The following SPPL3 variants were observed in gnomAD, a reference collection of about 807,000 sequenced individuals.
SPPL3 encodes signal peptide peptidase-like 3.
In SPPL3, 5 loss-of-function variants were observed where a neutral mutation model predicts 42.4. That is an observed-to-expected ratio of 0.12 (90% CI 0.06 to 0.25). SPPL3 has a LOEUF of 0.25. SPPL3 is among the 10% of genes least tolerant of loss of function. The pLI is 1.00. For synonymous variants in SPPL3, 195 were observed against 181.8 expected (o/e 1.07, Z -0.58); for missense variants, 235 against 489.0 (o/e 0.48, Z 4.90).
chr12:120,828,888 T>G (rs1871308506), intron 1 of SPPL3, among the ~76,000 whole-genome samples: 1 of 152,156 alleles, frequency 6.6e-6, no homozygotes, highest in Non-Finnish European at 1.5e-5. Context: ...CCCGAGTTGC[T>G]GGGACTACAG....
intron 1 of SPPL3, among the ~76,000 whole-genome samples, chr12:120,821,684 C>T (rs1348426981): frequency 1.3e-5 from 2 of 152,184 alleles, no homozygotes; most frequent in African/African-American, 4.8e-5. Context: ...AAAAATGCTA[C>T]TGGATATCTA....
At chr12:120,900,095 G>C (rs564187878) in intron 1 of SPPL3, among the ~76,000 whole-genome samples, 1 of 152,102 alleles carries the variant, frequency 6.6e-6, no homozygotes, top group South Asian at 2.1e-4. Flanking sequence ...AAAGTCAACA[G>C]AATAATAAAC....
chr12:120,790,942 C>T (rs1450364416), intron 3 of SPPL3, among the ~76,000 whole-genome samples: 2 of 151,972 alleles, frequency 1.3e-5, no homozygotes, highest in Admixed American at 1.3e-4. Context: ...CCTGCCTCAG[C>T]CTCAGTAGTA....
At chr12:120,876,698 A>G (rs1873108136) in intron 1 of SPPL3, among the ~76,000 whole-genome samples, 1 of 151,646 alleles carries the variant, frequency 6.6e-6, no homozygotes. Flanking sequence ...CAGTATGTAC[A>G]GCATGCAGCT....
At chr12:120,829,412 G>A (rs1244906235) in intron 1 of SPPL3, among the ~76,000 whole-genome samples, 5 of 151,236 alleles carry the variant, frequency 3.3e-5, no homozygotes, top group Non-Finnish European at 7.4e-5. Context: ...CCTGGCAGAC[G>A]TGGTGAAACC....
intron 1 of SPPL3, among the ~76,000 whole-genome samples, chr12:120,870,330 A>T (rs892732520): frequency 3.3e-5 from 5 of 152,182 alleles, no homozygotes; most frequent in African/African-American, 1.2e-4. Flanking sequence ...CTGTAATCCC[A>T]GCTACTCGGG....
chr12:120,831,721 C>A (rs559037848), intron 1 of SPPL3, among the ~76,000 whole-genome samples: 1 of 152,300 alleles, frequency 6.6e-6, no homozygotes, highest in Non-Finnish European at 1.5e-5. Context: ...CCCTGTAGTT[C>A]TGTAGTTCCT....
intron 1 of SPPL3, among the ~76,000 whole-genome samples, chr12:120,814,599 T>TA (rs574093839): frequency 3.6e-4 from 55 of 152,154 alleles, no homozygotes; most frequent in Non-Finnish European, 5.9e-4. Flanking sequence ...TTCTTAAAAT[T>TA]AAAAAAAATT....
At chr12:120,861,382 C>G (rs949572998) in intron 1 of SPPL3, among the ~76,000 whole-genome samples, 1 of 152,024 alleles carries the variant, frequency 6.6e-6, no homozygotes, top group Non-Finnish European at 1.5e-5. Context: ...AGACAAAGTA[C>G]AAAAATTCTC....
At chr12:120,823,053 C>T (rs556368948) in intron 1 of SPPL3, among the ~76,000 whole-genome samples, 1 of 151,942 alleles carries the variant, frequency 6.6e-6, no homozygotes, top group African/African-American at 2.4e-5. Flanking sequence ...GCCTATGTGA[C>T]AGTGCGACCT....
chr12:120,903,726 A>ACCCCCCCCCCC, intron 1 of SPPL3, 119 bp downstream of exon 1: 4 of 509,674 alleles, frequency 7.8e-6, no homozygotes, highest in Non-Finnish European at 9.1e-6. Context: ...GTGCACCCCA[A>ACCCCCCCCCCC]CCCGCGCCCC....
At chr12:120,795,350 C>T (rs1870062908) in intron 2 of SPPL3, among the ~76,000 whole-genome samples, 1 of 152,208 alleles carries the variant, frequency 6.6e-6, no homozygotes, top group East Asian at 1.9e-4. Flanking sequence ...AGATTTAAGG[C>T]TGGTACCATT....
At chr12:120,776,595 A>G (rs1375665734) in intron 6 of SPPL3, among the ~76,000 whole-genome samples, 2 of 152,072 alleles carry the variant, frequency 1.3e-5, no homozygotes, top group Non-Finnish European at 2.9e-5. Flanking sequence ...TTTTGGTAAC[A>G]TACTATTAGT....
intron 1 of SPPL3, among the ~76,000 whole-genome samples, chr12:120,890,798 C>A (rs958000434): frequency 2.0e-5 from 3 of 152,120 alleles, no homozygotes; most frequent in Non-Finnish European, 2.9e-5. Context: ...CATATACACA[C>A]AAACACGGAG....
intron 2 of SPPL3, among the ~76,000 whole-genome samples, chr12:120,804,657 A>G (rs957182293): frequency 2.0e-5 from 3 of 152,206 alleles, no homozygotes; most frequent in African/African-American, 2.4e-5. Context: ...GGGAATGTAC[A>G]ATAGCATAGC....
intron 1 of SPPL3, among the ~76,000 whole-genome samples, chr12:120,872,930 A>G (rs1419455994): frequency 6.6e-6 from 1 of 152,214 alleles, no homozygotes; most frequent in Non-Finnish European, 1.5e-5. Context: ...AATACAGCAA[A>G]TCCAGTGTTC....
chr12:120,825,688 C>A (rs746753350), intron 1 of SPPL3, among the ~76,000 whole-genome samples: 1 of 152,120 alleles, frequency 6.6e-6, no homozygotes, highest in African/African-American at 2.4e-5. Context: ...GGAGTTTTAA[C>A]GTCACCTGAA....
At position 120,801,258 on chromosome 12, in the gene SPPL3, T is replaced by C. The variant is rs1195424653; in HGVS notation, c.101+9551A>G. Among the ~76,000 whole-genome samples, 3 of 152,216 alleles carry C rather than the reference T, an allele frequency of 2.0e-5. No homozygotes were observed. The East Asian group carries it at 5.8e-4, about 29-fold the overall frequency. On this transcript the variant is annotated intron_variant, in intron 2 of 10. Transcript: ENST00000353487. Reference sequence around the variant, plus strand: ...CAGGGCTGCGACCTGTGAGGTTTCATCTACATGACAGGACCACCTGTGCTA... The same window carrying C: ...CAGGGCTGCGACCTGTGAGGTTTCACCTACATGACAGGACCACCTGTGCTA...
At chr12:120,782,991 A>T (rs1008099608) in intron 5 of SPPL3, among the ~76,000 whole-genome samples, 15 of 152,218 alleles carry the variant, frequency 9.9e-5, no homozygotes, top group African/African-American at 3.1e-4. Context: ...CAACATGGGC[A>T]TTTAGAAGTT....
Sources: gnomAD v4.1 joint callset for allele counts (sites outside exome capture counted in the v4.1 genomes callset) on GRCh38, gnomAD v4.1.1 for gene constraint, MANE v1.5 for transcripts, NCBI Gene and HGNC (gene_info 2026-07-23, HGNC 2026-07-21) for gene names.